The following LRRC73 variants were observed in gnomAD, a reference collection of about 807,000 sequenced individuals.
LRRC73 encodes leucine-rich repeat-containing protein 73.
A neutral mutation model predicts 26.4 loss-of-function variants in LRRC73; 16 were observed. That is an observed-to-expected ratio of 0.61 (90% CI 0.41 to 0.92). The LOEUF (loss-of-function observed/expected upper bound fraction) is 0.92. Ranked by LOEUF, LRRC73 falls within the 40% of genes least tolerant of loss-of-function variation. The pLI, the probability that LRRC73 is intolerant of heterozygous loss-of-function variation, is 0.00. For synonymous variants in LRRC73, 210 were observed against 179.8 expected (o/e 1.17, Z -1.34); for missense variants, 344 against 416.3 (o/e 0.83, Z 1.51).
chr6:43,508,533 C>A (rs1224850328), intron 2 of LRRC73, 113 bp from the exon 3 acceptor site: 1 of 1,518,912 alleles, frequency 6.6e-7, no homozygotes, highest in Non-Finnish European at 8.9e-7. Context: ...ACCACCTTAC[C>A]CCCACCATAG....
intron 3 of LRRC73, 80 bp from the exon 4 acceptor site, chr6:43,508,006 C>T: frequency 1.6e-6 from 2 of 1,236,506 alleles, no homozygotes; most frequent in Non-Finnish European, 2.3e-6. Context: ...GCCTTAACAA[C>T]TTTAGATACT....
chr6:43,509,408 G>T (rs987384778), intron 1 of LRRC73, 106 bp downstream of exon 1: 9 of 1,354,152 alleles, frequency 6.6e-6, no homozygotes, highest in Non-Finnish European at 4.9e-6. Context: ...CATAAGGCAT[G>T]TGAAGGTAGG....
intron 3 of LRRC73, 142 bp from the exon 4 acceptor site, chr6:43,508,068 T>C (rs1792553496): frequency 3.1e-6 from 3 of 973,420 alleles, no homozygotes; most frequent in Non-Finnish European, 4.5e-6. Flanking sequence ...GAAGGGATCA[T>C]TGTGATTGGT....
rs773387028 is a variant in LRRC73 at position 43,507,799 on chromosome 6, C to A, written c.657+27G>T. 7.5e-6 allele frequency: 12 copies of A among 1,609,352 alleles called. No homozygotes were observed. In the East Asian group the frequency reaches 8.9e-5, roughly 12 times the overall value. On this transcript the variant is annotated intron_variant, in intron 4 of 5. Transcript: ENST00000372441. ...AACTAACCTCCACCCCATCCCCTGG[C>A]CGTGCCCAAACATGACGACTTCCCA...
exon 4 of LRRC73, chr6:43,507,890 G>A (rs1792544684): frequency 6.2e-7 from 1 of 1,613,898 alleles, no homozygotes; most frequent in Non-Finnish European, 8.5e-7. Context: ...ACGACTAGAG[G>A]CCACAGCTAC....
chr6:43,509,824 G>A, exon 1 of LRRC73: 1 of 1,440,114 alleles, frequency 6.9e-7, no homozygotes, highest in Non-Finnish European at 9.0e-7. Flanking sequence ...GGGCCGGAAC[G>A]GAGGTTGGTG....
At chr6:43,509,765 C>G in exon 1 of LRRC73, 1 of 1,579,314 alleles carries the variant, frequency 6.3e-7, no homozygotes, top group African/African-American at 1.3e-5. Flanking sequence ...CCCCCGAAAT[C>G]TGGATGGAGC....
exon 2 of LRRC73, chr6:43,508,869 G>T: frequency 6.2e-7 from 1 of 1,612,610 alleles, no homozygotes; most frequent in Non-Finnish European, 8.5e-7. Flanking sequence ...GGAGGGCCAG[G>T]GCTGGGTTCA....
At chr6:43,507,847 C>T (rs762708160) in exon 4 of LRRC73, 14 of 1,613,782 alleles carry the variant, frequency 8.7e-6, no homozygotes, top group Non-Finnish European at 1.2e-5. Flanking sequence ...GGTTGGTGAG[C>T]CCTGTGCCCT....
rs1409159076 is a variant in LRRC73 at position 43,509,503 on chromosome 6, G to C, written c.272+11C>G. On this transcript the variant is annotated intron_variant, in intron 1 of 5. Transcript: ENST00000372441. ...AGTGCCCGGGACCCCCTTGCGAGGG[G>C]GCGCACTCACAAGAGGGACTGGATG... is the stretch of plus-strand genomic sequence containing the variant. The C allele has an allele frequency of 6.3e-7, 1 of 1,594,920 alleles. No individual in the cohort carries two copies. The highest frequency in any genetic ancestry group is 8.6e-7 in the Non-Finnish European group (1 of 1,169,388).
At chr6:43,508,275 A>G (rs567251017) in intron 3 of LRRC73, 23 bp downstream of exon 3, 1 of 1,599,374 alleles carries the variant, frequency 6.3e-7, no homozygotes, top group East Asian at 2.2e-5. Context: ...GTGACAGCCC[A>G]AGGGGGTATT....
chr6:43,508,913 C>A, exon 2 of LRRC73: 1 of 1,603,244 alleles, frequency 6.2e-7, no homozygotes, highest in Non-Finnish European at 8.5e-7. Flanking sequence ...AGGGGGCTCC[C>A]ATGCAGGCTG....
Position 43,509,794 on chromosome 6 carries a change from C to T in LRRC73, c.-9G>A. 1 of 1,512,388 alleles carries T rather than the reference C, an allele frequency of 6.6e-7. No homozygotes were observed. The allele number at this position is 1,512,388 out of a possible 1,614,324, so 93.7% of individuals were successfully genotyped here. A position where few individuals can be genotyped will look rare whatever the true frequency, so the allele number is the denominator to read the frequency against. On this transcript the variant is annotated 5_prime_UTR_variant, in exon 1 of 6. In the 5' UTR this introduces an upstream ATG that the reference lacks. Transcript: ENST00000372441. ...ATGGAGCTGGGCAGCATCGTGCCCA[C>T]GGCTGGGCCTCCGGGTACGGGGCCG...
Position 43,508,932 on chromosome 6 carries a change from T to C in LRRC73, c.273-12A>G, listed in dbSNP as rs1393119727. The C allele has an allele frequency of 6.3e-7, 1 of 1,581,926 alleles. No homozygotes were observed. The highest frequency in any genetic ancestry group is 8.6e-7 in the Non-Finnish European group (1 of 1,162,650). ...GGCTCCCATGCAGGCTGGAGGAGAG[T>C]GAGAGAGCAGGGTTACTGCAGTCCT... On this transcript the variant is annotated splice_polypyrimidine_tract_variant and intron_variant, in intron 1 of 5. Coordinates refer to ENST00000372441, the Ensembl canonical transcript of LRRC73.
intron 4 of LRRC73, 70 bp from the exon 5 acceptor site, chr6:43,507,748 G>A: frequency 2.5e-6 from 4 of 1,581,142 alleles, no homozygotes; most frequent in Non-Finnish European, 1.7e-6. Context: ...AACCTGCCAT[G>A]CCTTAGGTAT....
chr6:43,508,121 ATGTTT>A (rs922079403), intron 3 of LRRC73, among the ~76,000 whole-genome samples, 172 bp downstream of exon 3: 3 of 152,150 alleles, frequency 2.0e-5, no homozygotes, highest in Non-Finnish European at 4.4e-5. Flanking sequence ...GTGGTGACTG[ATGTTT>A]TGATCTATTT....
chr6:43,509,890 G>A, exon 1 of LRRC73: 1 of 986,712 alleles, frequency 1.0e-6, no homozygotes, highest in Non-Finnish European at 1.3e-6. Context: ...CAGGGGTCGC[G>A]GGCGGAGTGG....
chr6:43,507,899 A>C, exon 4 of LRRC73: 1 of 1,613,906 alleles, frequency 6.2e-7, no homozygotes, highest in South Asian at 1.1e-5. Flanking sequence ...GGCCACAGCT[A>C]CAGCCAGCAT....
chr6:43,508,829 C>A (rs996640185), exon 2 of LRRC73: 4 of 1,613,120 alleles, frequency 2.5e-6, no homozygotes, highest in Non-Finnish European at 8.5e-7. Flanking sequence ...AGCATGCAGT[C>A]CCCCAGGTCC....
Sources: gnomAD v4.1 joint callset for allele counts (sites outside exome capture counted in the v4.1 genomes callset) on GRCh38, gnomAD v4.1.1 for gene constraint, MANE v1.5 for transcripts, NCBI Gene and HGNC (gene_info 2026-07-23, HGNC 2026-07-21) for gene names.